Variants in MGAT5 observed in about 807,000 individuals in gnomAD.
MGAT5 encodes alpha-1,6-mannosylglycoprotein 6-beta-N-acetylglucosaminyltransferase, also known as alpha-1,6-mannosylglycoprotein 6-beta-N-acetylglucosaminyltransferase A.
Under a neutral mutation model 94.3 loss-of-function variants are expected in MGAT5, and 30 were observed. That is an observed-to-expected ratio of 0.32 (90% CI 0.24 to 0.43). The LOEUF is 0.43. MGAT5 is among the 20% of genes least tolerant of loss of function. The probability of loss-of-function intolerance (pLI) is 1.00; values close to 1 mark genes in which losing one functional copy is unlikely to be tolerated. For synonymous variants in MGAT5, 310 were observed against 322.9 expected (o/e 0.96, Z 0.43); for missense variants, 691 against 905.5 (o/e 0.76, Z 3.04).
At chr2:134,192,359 C>T (rs1440199868) in intron 1 of MGAT5, among the ~76,000 whole-genome samples, 2 of 152,120 alleles carry the variant, frequency 1.3e-5, no homozygotes, top group Non-Finnish European at 1.5e-5. Context: ...CTTGGGCTTT[C>T]GCAGCCTCCA....
chr2:134,249,425 C>T (rs1209631931), upstream of MGAT5, among the ~76,000 whole-genome samples: 6 of 152,238 alleles, frequency 3.9e-5, no homozygotes, highest in Admixed American at 3.3e-4. Flanking sequence ...CTCCATACCC[C>T]AGCCCTAAGC....
intron 2 of MGAT5, among the ~76,000 whole-genome samples, chr2:134,281,481 G>T (rs2105718617): frequency 6.6e-6 from 1 of 152,278 alleles, no homozygotes. Flanking sequence ...ACTTGTAGAT[G>T]CATTCACCCT....
chr2:134,325,476 G>A lies in MGAT5; in HGVS notation c.573+6737G>A, dbSNP rs562517103. ...ATTCAACAATTGTCAATCCATAGCC[G>A]GTCTCATTTCATTTATAACCTCCTC... On this transcript the variant is annotated intron_variant, in intron 4 of 15. Transcript: ENST00000281923. 3.9e-5 allele frequency among the ~76,000 whole-genome samples: 6 copies of A among 152,052 alleles called. No homozygotes were observed. In the East Asian group the frequency reaches 7.7e-4, roughly 20 times the overall value.
intron 1 of MGAT5, among the ~76,000 whole-genome samples, chr2:134,181,867 A>G (rs1029246894): frequency 6.6e-6 from 1 of 152,236 alleles, no homozygotes; most frequent in African/African-American, 2.4e-5. Context: ...CTCTAGGTGC[A>G]GTTCACATCT....
At chr2:134,223,549 T>A (rs1680898410) in intron 1 of MGAT5, among the ~76,000 whole-genome samples, 1 of 152,216 alleles carries the variant, frequency 6.6e-6, no homozygotes, top group Non-Finnish European at 1.5e-5. Flanking sequence ...GAAGAAAAAT[T>A]ATAATCTGCT....
intron 1 of MGAT5, among the ~76,000 whole-genome samples, chr2:134,212,786 A>G (rs983071847): frequency 1.3e-5 from 2 of 152,162 alleles, no homozygotes; most frequent in African/African-American, 4.8e-5. Context: ...TCTTCATTGT[A>G]TTCTTGCACT....
intron 12 of MGAT5, among the ~76,000 whole-genome samples, chr2:134,421,596 TAAA>T (rs1684296422): frequency 1.3e-5 from 2 of 150,212 alleles, no homozygotes; most frequent in African/African-American, 4.9e-5. Flanking sequence ...AAAAAAAAAA[TAAA>T]AAACTAGATT....
At chr2:134,356,918 C>A (rs1679778969) in intron 9 of MGAT5, among the ~76,000 whole-genome samples, 1 of 152,124 alleles carries the variant, frequency 6.6e-6, no homozygotes, top group South Asian at 2.1e-4. Context: ...CCTTCCTTCC[C>A]CAACTTTCTC....
At chr2:134,383,966 AC>A (rs1681795215) in intron 10 of MGAT5, among the ~76,000 whole-genome samples, 1 of 70,156 alleles carries the variant, frequency 1.4e-5, no homozygotes, top group Admixed American at 1.8e-4. Context: ...GGTGTCAGCC[AC>A]CGCGCCTGGC....
intron 10 of MGAT5, among the ~76,000 whole-genome samples, chr2:134,379,954 C>T (rs1279869065): frequency 6.6e-6 from 1 of 152,230 alleles, no homozygotes; most frequent in African/African-American, 2.4e-5. Flanking sequence ...CATATTTTAA[C>T]TTGTGTCAAC....
chr2:134,267,697 C>G (rs538444006), intron 1 of MGAT5, among the ~76,000 whole-genome samples: 1 of 152,332 alleles, frequency 6.6e-6, no homozygotes, highest in Non-Finnish European at 1.5e-5. Flanking sequence ...TCACCAATAA[C>G]AATGGATTGA....
chr2:134,403,968 G>A (rs530645827), intron 11 of MGAT5, among the ~76,000 whole-genome samples: 109 of 152,316 alleles, frequency 7.2e-4, no homozygotes, highest in African/African-American at 2.5e-3. Flanking sequence ...TGTTTTTTCT[G>A]TAATGGTGCC....
chr2:134,240,239 G>C (rs189012408), intron 1 of MGAT5, among the ~76,000 whole-genome samples: 2 of 152,182 alleles, frequency 1.3e-5, no homozygotes, highest in East Asian at 3.9e-4. Flanking sequence ...TGTGGTCCAG[G>C]GTCAGGCCAG....
intron 10 of MGAT5, among the ~76,000 whole-genome samples, chr2:134,397,119 T>C (rs555869599): frequency 1.3e-4 from 20 of 152,106 alleles, no homozygotes; most frequent in Non-Finnish European, 2.9e-4. Flanking sequence ...AAGCCCAGAT[T>C]GTGAAGGGCC....
chr2:134,166,371 C>T (rs79187460), intron 1 of MGAT5, among the ~76,000 whole-genome samples: 4,500 of 152,284 alleles, frequency 0.03, 332 homozygotes, highest in East Asian at 0.28. Context: ...TTCCTCTCCC[C>T]GAGGAGTATT....
intron 1 of MGAT5, among the ~76,000 whole-genome samples, chr2:134,189,491 A>T (rs755169403): frequency 2.6e-5 from 4 of 151,778 alleles, no homozygotes; most frequent in African/African-American, 4.8e-5. Context: ...TCTTGGGAGA[A>T]GTGGGCCCAG....
chr2:134,377,291 T>G (rs755373851), intron 10 of MGAT5, among the ~76,000 whole-genome samples: 4 of 152,208 alleles, frequency 2.6e-5, no homozygotes, highest in Non-Finnish European at 5.9e-5. Flanking sequence ...CTTGCCACCA[T>G]AGCGTCACAA....
intron 1 of MGAT5, among the ~76,000 whole-genome samples, chr2:134,192,586 C>A (rs1323907079): frequency 2.0e-5 from 3 of 152,106 alleles, no homozygotes; most frequent in African/African-American, 7.2e-5. Flanking sequence ...TCAGATAATT[C>A]CTTTGCTCTA....
chr2:134,323,427 C>T (rs568190540), intron 4 of MGAT5, among the ~76,000 whole-genome samples: 4 of 152,186 alleles, frequency 2.6e-5, no homozygotes, highest in South Asian at 4.1e-4. Flanking sequence ...CCACAGGGGT[C>T]TTGAAACCAG....
Sources: gnomAD v4.1 joint callset for allele counts (sites outside exome capture counted in the v4.1 genomes callset) on GRCh38, gnomAD v4.1.1 for gene constraint, MANE v1.5 for transcripts, NCBI Gene and HGNC (gene_info 2026-07-23, HGNC 2026-07-21) for gene names.